The following IQCJ variants were observed in gnomAD, a reference collection of about 807,000 sequenced individuals.
IQCJ encodes the protein IQ domain-containing protein J.
IQCJ carries 9 observed loss-of-function variants against 11.0 expected under a neutral mutation model. The ratio of observed to expected loss-of-function variants is 0.82; its 90% CI spans 0.49 to 1.43. The LOEUF is 1.43. IQCJ is among the 40% of genes most tolerant of loss of function. The pLI is 0.00. For synonymous variants in IQCJ, 55 were observed against 51.3 expected (o/e 1.07, Z -0.31); for missense variants, 146 against 133.2 (o/e 1.10, Z -0.47).
chr3:159,164,142 A>G (rs1288956565), intron 1 of IQCJ, among the ~76,000 whole-genome samples: 1 of 152,252 alleles, frequency 6.6e-6, no homozygotes, highest in Non-Finnish European at 1.5e-5. Flanking sequence ...AACTTACTTT[A>G]TAAAACTTCT....
At chr3:159,172,503 T>C (rs909970480) in intron 1 of IQCJ, among the ~76,000 whole-genome samples, 4 of 152,118 alleles carry the variant, frequency 2.6e-5, no homozygotes, top group Non-Finnish European at 5.9e-5. Context: ...GCACCATATA[T>C]GATATATAAC....
intron 1 of IQCJ, among the ~76,000 whole-genome samples, chr3:159,210,829 C>G (rs956838848): frequency 1.3e-5 from 2 of 152,098 alleles, no homozygotes; most frequent in Non-Finnish European, 2.9e-5. Context: ...GCCACCACAC[C>G]CCGCTAATTT....
chr3:159,110,708 A>G (rs1039758294), intron 1 of IQCJ, among the ~76,000 whole-genome samples: 3 of 152,142 alleles, frequency 2.0e-5, no homozygotes, highest in East Asian at 3.9e-4. Context: ...AGGGTACTCC[A>G]TGGATGATTA....
At chr3:159,172,212 T>G (rs1444419266) in intron 1 of IQCJ, among the ~76,000 whole-genome samples, 2 of 152,172 alleles carry the variant, frequency 1.3e-5, no homozygotes, top group Admixed American at 6.6e-5. Context: ...AGTAGGTGAT[T>G]GGCTTAATAA....
At chr3:159,211,612 T>C (rs1724956037) in intron 1 of IQCJ, among the ~76,000 whole-genome samples, 1 of 152,206 alleles carries the variant, frequency 6.6e-6, no homozygotes, top group Admixed American at 6.5e-5. Context: ...AATTGACAAC[T>C]TTACTTTCAA....
intron 1 of IQCJ, among the ~76,000 whole-genome samples, chr3:159,193,227 T>G (rs1390902850): frequency 6.6e-6 from 1 of 152,184 alleles, no homozygotes; most frequent in Non-Finnish European, 1.5e-5. Flanking sequence ...AGCTTAGAGT[T>G]GTGAAGATGA....
At chr3:159,195,444 GA>G (rs1723928580) in intron 1 of IQCJ, among the ~76,000 whole-genome samples, 1 of 152,196 alleles carries the variant, frequency 6.6e-6, no homozygotes, top group Non-Finnish European at 1.5e-5. Flanking sequence ...AACAATGGAG[GA>G]GTGGTAGCCT....
intron 1 of IQCJ, among the ~76,000 whole-genome samples, chr3:159,189,604 G>A (rs1487367749): frequency 6.6e-6 from 1 of 152,114 alleles, no homozygotes; most frequent in Non-Finnish European, 1.5e-5. Flanking sequence ...GCTGCCCTAG[G>A]GTCGTTTTAG....
intron 1 of IQCJ, among the ~76,000 whole-genome samples, chr3:159,162,149 C>G (rs1388502731): frequency 6.6e-6 from 1 of 152,130 alleles, no homozygotes; most frequent in Non-Finnish European, 1.5e-5. Context: ...AATATTGATT[C>G]TTCCTACCCA....
intron 1 of IQCJ, among the ~76,000 whole-genome samples, chr3:159,144,646 A>G (rs867913985): frequency 5.0e-4 from 40 of 79,966 alleles, no homozygotes; most frequent in African/African-American, 1.6e-3. Flanking sequence ...AGACGTACAC[A>G]CACATACACA....
chr3:159,114,703 C>G (rs1559990711), intron 1 of IQCJ, among the ~76,000 whole-genome samples: 1 of 152,176 alleles, frequency 6.6e-6, no homozygotes, highest in East Asian at 1.9e-4. Flanking sequence ...GCTGGAGAGC[C>G]ACAGCCTCTG....
At chr3:159,204,496 G>A (rs998594821) in intron 1 of IQCJ, among the ~76,000 whole-genome samples, 22 of 152,326 alleles carry the variant, frequency 1.4e-4, no homozygotes, top group African/African-American at 4.8e-4. Flanking sequence ...TTCTTATGTG[G>A]TGTCTGGCTT....
chr3:159,116,669 T>C lies in IQCJ; in HGVS notation c.9+47228T>C, dbSNP rs1361538978. On this transcript the variant is annotated intron_variant, in intron 1 of 3. Transcript: ENST00000397832. ...ATATATATATATATATATATATATA[T>C]ACACCCTTCATCTAGATTTTCTCAT... Among the ~76,000 whole-genome samples, 33 of 24,094 alleles carry C rather than the reference T, an allele frequency of 1.4e-3. 1 individual carries two copies. Among genetic ancestry groups the C allele is most frequent in the South Asian group, 5.4e-3 (4 of 740 alleles). 15.8% of individuals were successfully genotyped at this position (24,094 alleles called of 152,430 possible).
chr3:159,194,027 CTCTGTGTATGGTTA>C (rs1723840116), intron 1 of IQCJ, among the ~76,000 whole-genome samples: 1 of 152,180 alleles, frequency 6.6e-6, no homozygotes, highest in African/African-American at 2.4e-5. Context: ...TTCCTCTTCC[CTCTGTGTATGGTTA>C]CTTGAGTAAA....
intron 1 of IQCJ, among the ~76,000 whole-genome samples, chr3:159,101,728 C>T (rs1717937954): frequency 6.6e-6 from 1 of 152,160 alleles, no homozygotes; most frequent in Non-Finnish European, 1.5e-5. Context: ...GTTCAGGTTT[C>T]ACCAGATACA....
chr3:159,163,607 C>G (rs1352141650), intron 1 of IQCJ, among the ~76,000 whole-genome samples: 1 of 152,128 alleles, frequency 6.6e-6, no homozygotes, highest in Non-Finnish European at 1.5e-5. Flanking sequence ...TCAGGTAAGC[C>G]TCCCACCTAG....
rs143573377 is a variant in IQCJ, at chr3:159,247,686, C to A, written c.74+1779C>A. On this transcript the variant is annotated intron_variant, in intron 2 of 3. Coordinates refer to ENST00000397832, the MANE Select transcript of IQCJ (RefSeq NM_001042706.3). ...GTAGGTCAGAGAATTTGTTTATGAC[C>A]AGATTTTACACAGAAAAGCAGGGGA... Among the ~76,000 whole-genome samples the A allele has an allele frequency of 4.4e-4, 67 of 152,198 alleles. 1 individual carries two copies. The South Asian group carries it at 8.5e-3, about 19-fold the overall frequency.
At chr3:159,233,854 G>A (rs1309117010) in intron 1 of IQCJ, among the ~76,000 whole-genome samples, 2 of 152,194 alleles carry the variant, frequency 1.3e-5, no homozygotes, top group Non-Finnish European at 2.9e-5. Context: ...ACATAGTATT[G>A]TATAGGAGGC....
chr3:159,236,482 C>G (rs1726600232), intron 1 of IQCJ, among the ~76,000 whole-genome samples: 1 of 152,144 alleles, frequency 6.6e-6, no homozygotes, highest in Non-Finnish European at 1.5e-5. Flanking sequence ...GTAATTCACA[C>G]AGTTATTTCA....
Sources: gnomAD v4.1 joint callset for allele counts (sites outside exome capture counted in the v4.1 genomes callset) on GRCh38, gnomAD v4.1.1 for gene constraint, MANE v1.5 for transcripts, NCBI Gene and HGNC (gene_info 2026-07-23, HGNC 2026-07-21) for gene names.